Variants in DNAAF9 observed in about 807,000 individuals in gnomAD.
DNAAF9 encodes shulin.
DNAAF9 carries 90 observed loss-of-function variants against 167.0 expected under a neutral mutation model. That is an observed-to-expected ratio of 0.54 (90% confidence interval 0.45 to 0.64). The LOEUF (loss-of-function observed/expected upper bound fraction) is 0.64, where lower values mean the gene tolerates loss of function less well. Ranked by LOEUF, DNAAF9 falls within the 30% of genes least tolerant of loss-of-function variation. The pLI is 0.00. For missense variants in DNAAF9, 1,315 were observed against 1,442.2 expected (o/e 0.91, Z 1.43); for synonymous variants, 491 against 508.8 (o/e 0.96, Z 0.47).
At position 3,290,183 on chromosome 20, in the gene DNAAF9, C is replaced by T. The variant is rs373288646; in HGVS notation, c.2273G>A (p.Cys758Tyr). The change falls in exon 26 of 37, where the codon TGT becomes TAT. Residue 758 changes from cysteine (C) to tyrosine (Y), a missense_variant. By Grantham distance (194) the Cys-to-Tyr change is radical (BLOSUM62 -2). Transcript: ENST00000252032. ...AAAAGCACAGAGCTCGCTAGCGTGA[C>T]AGCCTGGGAGGCCGGTTACAATGCT... ...IISIVTGLPG[C>Y]HASELCAFLV... The T allele has an allele frequency of 1.2e-6, 2 of 1,613,188 alleles. No individual in the cohort carries two copies. The highest frequency in any genetic ancestry group is 2.7e-5 in the African/African-American group (2 of 74,924).
intron 1 of DNAAF9, among the ~76,000 whole-genome samples, chr20:3,399,572 C>T (rs2083956293): frequency 6.6e-6 from 1 of 152,046 alleles, no homozygotes; most frequent in African/African-American, 2.4e-5. Flanking sequence ...AGGTCCTTTG[C>T]CTCCAGAGTT....
At chr20:3,349,612 C>T (rs1309848308) in intron 7 of DNAAF9, among the ~76,000 whole-genome samples, 1 of 152,134 alleles carries the variant, frequency 6.6e-6, no homozygotes, top group East Asian at 1.9e-4. Context: ...CACTGAGAAA[C>T]TGCACCCTTC....
At chr20:3,295,562 A>C (rs2069058156) in intron 23 of DNAAF9, 1 of 359,212 alleles carries the variant, frequency 2.8e-6, no homozygotes, top group Non-Finnish European at 5.5e-6. Flanking sequence ...GCAGTCACGA[A>C]GATGGTCTTC....
At chr20:3,297,445 C>T (rs1013253316) in intron 22 of DNAAF9, among the ~76,000 whole-genome samples, 3 of 152,162 alleles carry the variant, frequency 2.0e-5, no homozygotes, top group South Asian at 2.1e-4. Context: ...CTATGGTCTG[C>T]GAATCTGACC....
intron 25 of DNAAF9, 72 bp from the exon 26 acceptor site, chr20:3,290,289 G>T (rs958607683): frequency 3.1e-6 from 3 of 964,240 alleles, no homozygotes; most frequent in Non-Finnish European, 3.4e-6. Context: ...TAAGAGAACT[G>T]ACTTCTGGTG....
chr20:3,346,019 AAC>A (rs746916924), intron 8 of DNAAF9, among the ~76,000 whole-genome samples: 8 of 152,336 alleles, frequency 5.3e-5, no homozygotes, highest in Non-Finnish European at 1.2e-4. Context: ...AAAATGGAAA[AAC>A]AATATGTAAA....
In DNAAF9 at chr20:3,281,627, T is replaced by G; in HGVS notation, c.2612+14A>C. 1 of 1,596,726 alleles carries G rather than the reference T, an allele frequency of 6.3e-7. No individual in the cohort carries two copies. Among genetic ancestry groups the G allele is most frequent in the Non-Finnish European group, 8.5e-7 (1 of 1,173,644 alleles). On this transcript the variant is annotated intron_variant, in intron 28 of 36. Transcript: ENST00000252032. ...TCACTTTCAGTACACTTACACACCA[T>G]ATCCTGTATCTACCTGTGCTCCATG...
chr20:3,364,575 T>C (rs1297305894), intron 6 of DNAAF9, among the ~76,000 whole-genome samples: 1 of 152,194 alleles, frequency 6.6e-6, no homozygotes, highest in African/African-American at 2.4e-5. Flanking sequence ...CAAATCACTA[T>C]AATAAAGTGA....
intron 1 of DNAAF9, among the ~76,000 whole-genome samples, chr20:3,395,213 C>T (rs1600923485): frequency 1.4e-5 from 2 of 140,002 alleles, no homozygotes; most frequent in South Asian, 2.2e-4. Flanking sequence ...CCTCGTGATC[C>T]GCCCGTCTCG....
rs562530298 is a variant in DNAAF9, at chr20:3,341,979, G to A, written c.846-1340C>T. 5.3e-5 allele frequency among the ~76,000 whole-genome samples: 8 copies of A among 152,142 alleles called. No homozygotes were observed. The East Asian group carries it at 5.8e-4, about 11-fold the overall frequency. On this transcript the variant is annotated intron_variant, in intron 9 of 36. Transcript: ENST00000252032. Reference sequence around the variant, plus strand: ...TTTTTAGTGGAGATGGGGTTTCACCGTGTTAGCCAGGATGGTCTTGATCTC... The same window carrying A: ...TTTTTAGTGGAGATGGGGTTTCACCATGTTAGCCAGGATGGTCTTGATCTC...
chr20:3,406,670 T>C (rs914166587), intron 1 of DNAAF9, among the ~76,000 whole-genome samples: 12 of 152,158 alleles, frequency 7.9e-5, no homozygotes, highest in Non-Finnish European at 1.5e-4. Context: ...GATCACCCCC[T>C]CCCCATACTG....
At chr20:3,267,673 A>C (rs1555785100) in intron 30 of DNAAF9, among the ~76,000 whole-genome samples, 1 of 152,154 alleles carries the variant, frequency 6.6e-6, no homozygotes, top group South Asian at 2.1e-4. Context: ...TGCCACTACT[A>C]AAAATAGAAA....
intron 7 of DNAAF9, among the ~76,000 whole-genome samples, chr20:3,349,205 A>AAAAAAAAAAAAAAAAAAAAC (rs2070261303): frequency 1.7e-5 from 1 of 59,190 alleles, no homozygotes; most frequent in African/African-American, 7.4e-5. Context: ...AAAAAAAAAC[A>AAAAAAAAAAAAAAAAAAAAC]AAAAAAAAAA....
chr20:3,274,265 C>T (rs1429010944), intron 29 of DNAAF9, among the ~76,000 whole-genome samples: 1 of 152,038 alleles, frequency 6.6e-6, no homozygotes, highest in Non-Finnish European at 1.5e-5. Flanking sequence ...GCCTCATCCT[C>T]CTGAGTAGCT....
chr20:3,328,557 C>T (rs1210570656), intron 12 of DNAAF9, among the ~76,000 whole-genome samples: 1 of 152,118 alleles, frequency 6.6e-6, no homozygotes, highest in Non-Finnish European at 1.5e-5. Flanking sequence ...CCAATGTGCA[C>T]CCAGTTACCA....
chr20:3,400,495 T>C (rs953173219), intron 1 of DNAAF9, among the ~76,000 whole-genome samples: 1 of 152,082 alleles, frequency 6.6e-6, no homozygotes, highest in Admixed American at 6.5e-5. Context: ...TAGAAATTCA[T>C]CTATAAATTT....
chr20:3,310,900 T>G (rs1208073171), intron 20 of DNAAF9, among the ~76,000 whole-genome samples: 1 of 152,112 alleles, frequency 6.6e-6, no homozygotes, highest in Non-Finnish European at 1.5e-5. Flanking sequence ...AAACAGCAAG[T>G]GTTGGCCAGA....
intron 21 of DNAAF9, among the ~76,000 whole-genome samples, chr20:3,303,146 G>A (rs1396632612): frequency 2.0e-5 from 3 of 152,054 alleles, no homozygotes; most frequent in South Asian, 2.1e-4. Flanking sequence ...GGAGGCTGAC[G>A]CGGGAGAATG....
At chr20:3,373,927 C>T in intron 6 of DNAAF9, 121 bp downstream of exon 6, 1 of 644,220 alleles carries the variant, frequency 1.6e-6, no homozygotes, top group Non-Finnish European at 2.8e-6. Flanking sequence ...CTAACTTGCT[C>T]CATGCCCTTG....
Sources: gnomAD v4.1 joint callset for allele counts (sites outside exome capture counted in the v4.1 genomes callset) on GRCh38, gnomAD v4.1.1 for gene constraint, MANE v1.5 for transcripts, NCBI Gene and HGNC (gene_info 2026-07-23, HGNC 2026-07-21) for gene names.